The following DIS3L2 variants were observed in gnomAD, a reference collection of about 807,000 sequenced individuals.
DIS3L2 encodes the protein DIS3 like 3'-5' exoribonuclease 2.
A neutral mutation model predicts 97.5 loss-of-function variants in DIS3L2; 34 were observed. The ratio of observed to expected loss-of-function variants is 0.35; its 90% CI spans 0.27 to 0.46. The LOEUF is 0.46. Among genes scored for constraint, DIS3L2 ranks in the 20% least tolerant of loss-of-function variants. The pLI is 1.00. For missense variants in DIS3L2, 1,038 were observed against 1,146.0 expected, an observed-to-expected ratio of 0.91 and a Z score of 1.36; for synonymous variants, 435 against 445.2, an observed-to-expected ratio of 0.98 and a Z score of 0.29.
In DIS3L2 at chr2:232,148,403, T is replaced by C. The variant is rs149017751; in HGVS notation, c.950+11684T>C. ...CCCCAAAGCATGAGCTCTTTCAGCATGCTGATCTGTTAGATTTTTATCTGC... is the reference window on the plus strand; with the variant it reads ...CCCCAAAGCATGAGCTCTTTCAGCACGCTGATCTGTTAGATTTTTATCTGC... On this transcript the variant is annotated intron_variant, in intron 8 of 20. Coordinates refer to ENST00000325385, the MANE Select transcript of DIS3L2 (RefSeq NM_152383.5). 2.0e-5 allele frequency among the ~76,000 whole-genome samples: 3 copies of C among 152,276 alleles called. No individual in the cohort carries two copies. The East Asian group carries it at 5.8e-4, about 29-fold the overall frequency.
rs1294616917 is a variant in DIS3L2 at position 232,087,681 on chromosome 2, T to C, written c.561T>C (p.Val187=). Residue 187 remains valine (V), a synonymous_variant, in exon 6 of 21, where the codon GTT becomes GTC. Transcript: ENST00000325385. ...ATGGCATCACACAAAATGTGCTGGT[T>C]GATGGTGTTAAGAAACTCTCAGTTT... is the stretch of plus-strand genomic sequence containing the variant. ...DGHGITQNVL[V]DGVKKLSVCV... 6.2e-7 allele frequency: 1 copy of C among 1,614,186 alleles called. No homozygotes were observed. The highest frequency in any genetic ancestry group is 8.5e-7 in the Non-Finnish European group (1 of 1,180,024).
chr2:232,335,703 G>A, intron 19 of DIS3L2, 70 bp from the exon 20 acceptor site: 2 of 1,508,648 alleles, frequency 1.3e-6, no homozygotes, highest in Non-Finnish European at 1.8e-6. Flanking sequence ...AAGCATTGAA[G>A]CCCTCCAGGG....
intron 9 of DIS3L2, among the ~76,000 whole-genome samples, chr2:232,191,108 G>A (rs944594999): frequency 1.3e-5 from 2 of 152,152 alleles, no homozygotes; most frequent in Non-Finnish European, 2.9e-5. Flanking sequence ...GAAAAAGTGG[G>A]GATCCTAAAC....
intron 10 of DIS3L2, among the ~76,000 whole-genome samples, chr2:232,237,216 C>G (rs1479783450): frequency 6.6e-6 from 1 of 151,924 alleles, no homozygotes; most frequent in Non-Finnish European, 1.5e-5. Flanking sequence ...ACAGTATGTT[C>G]AAGAATAAAT....
At chr2:232,140,628 A>G (rs573785922) in intron 8 of DIS3L2, among the ~76,000 whole-genome samples, 1 of 152,356 alleles carries the variant, frequency 6.6e-6, no homozygotes, top group South Asian at 2.1e-4. Context: ...ATTGAATAGA[A>G]TGCACACATT....
rs189456597 is a variant in DIS3L2, at chr2:232,247,871, T to G, written c.1318-1368T>G. On this transcript the variant is annotated intron_variant, in intron 11 of 20. Coordinates refer to ENST00000325385, the MANE Select transcript of DIS3L2 (RefSeq NM_152383.5). Reference sequence around the variant, plus strand: ...TAAGTTAGCAAAGAAAATATAGTATTGTCTGAACTGATGGTGCAAAAGTAA... The same window carrying G: ...TAAGTTAGCAAAGAAAATATAGTATGGTCTGAACTGATGGTGCAAAAGTAA... 1.6e-3 allele frequency among the ~76,000 whole-genome samples: 243 copies of G among 152,338 alleles called. 4 individuals carry two copies. Among genetic ancestry groups the G allele is most frequent in the Admixed American group, 0.014 (216 of 15,304 alleles).
intron 14 of DIS3L2, among the ~76,000 whole-genome samples, chr2:232,301,843 T>TC (rs1432705127): frequency 2.0e-5 from 3 of 147,714 alleles, no homozygotes; most frequent in Admixed American, 7.3e-5. Flanking sequence ...CTCTTTTTTT[T>TC]TTTTTTTTTT....
chr2:232,208,804 G>A (rs1382029296), intron 9 of DIS3L2, among the ~76,000 whole-genome samples: 1 of 152,072 alleles, frequency 6.6e-6, no homozygotes, highest in African/African-American at 2.4e-5. Context: ...AAGTTGAGAG[G>A]ATCCCTTGAA....
At chr2:232,101,739 C>G (rs959624973) in intron 6 of DIS3L2, among the ~76,000 whole-genome samples, 2 of 152,250 alleles carry the variant, frequency 1.3e-5, no homozygotes, top group African/African-American at 2.4e-5. Context: ...CTGCTACATA[C>G]TCAGCATTGC....
At chr2:232,017,803 A>G (rs946967108) in intron 3 of DIS3L2, among the ~76,000 whole-genome samples, 1 of 152,078 alleles carries the variant, frequency 6.6e-6, no homozygotes, top group African/African-American at 2.4e-5. Flanking sequence ...AATGTTACCC[A>G]CTTTGAGAAG....
chr2:232,017,135 G>T (rs1237270648), intron 3 of DIS3L2, among the ~76,000 whole-genome samples: 1 of 151,970 alleles, frequency 6.6e-6, no homozygotes, highest in Non-Finnish European at 1.5e-5. Flanking sequence ...TGTTGCCCAG[G>T]CTGGAGTGCA....
rs1340805580 is a variant in DIS3L2 at position 232,334,386 on chromosome 2, G to C, written c.2176G>C (p.Asp726His). 1 of 1,613,586 alleles carries C rather than the reference G, an allele frequency of 6.2e-7. No homozygotes were observed. Among genetic ancestry groups the C allele is most frequent in the Admixed American group, 1.7e-5 (1 of 60,028 alleles). Residue 726 changes from aspartate to histidine, a missense_variant, in exon 18 of 21, where the codon GAC (aspartate) becomes CAC (histidine). By Grantham distance (81) the Asp-to-His change is moderately conservative (BLOSUM62 -1). Around this residue, in one of 3 missense-constraint regions of DIS3L2, gnomAD observed 221 missense variants for 246.9 expected, o/e 0.90. Coordinates refer to ENST00000325385, the MANE Select transcript of DIS3L2 (RefSeq NM_152383.5). ...AAALGYRERL[D>H]MAPDTLQKQA... Reference sequence around the variant, plus strand: ...CTTCCCAGGCTATAGGGAGCGACTAGACATGGCGCCCGATACCCTGCAGAA... The same window carrying C: ...CTTCCCAGGCTATAGGGAGCGACTACACATGGCGCCCGATACCCTGCAGAA...
intron 5 of DIS3L2, among the ~76,000 whole-genome samples, chr2:232,077,830 T>A (rs1574856107): frequency 6.6e-6 from 1 of 152,256 alleles, no homozygotes; most frequent in African/African-American, 2.4e-5. Flanking sequence ...CAGGGCCCCT[T>A]TTTTCACGCT....
At chr2:232,074,141 A>C (rs1444101300) in intron 5 of DIS3L2, among the ~76,000 whole-genome samples, 1 of 152,224 alleles carries the variant, frequency 6.6e-6, no homozygotes, top group Non-Finnish European at 1.5e-5. Context: ...TTTTAGAAAA[A>C]TGAATTTATT....
At chr2:232,331,451 T>G (rs898681061) in intron 16 of DIS3L2, among the ~76,000 whole-genome samples, 3 of 152,208 alleles carry the variant, frequency 2.0e-5, no homozygotes, top group African/African-American at 7.2e-5. Context: ...CTCGGCAGAT[T>G]CAATCTGTTC....
chr2:232,030,974 TA>T (rs1255431882), intron 5 of DIS3L2, among the ~76,000 whole-genome samples: 1 of 152,208 alleles, frequency 6.6e-6, no homozygotes, highest in African/African-American at 2.4e-5. Context: ...GAGTAGTGAC[TA>T]AAAGTATGGG....
At chr2:232,327,521 T>A (rs1187879047) in intron 14 of DIS3L2, among the ~76,000 whole-genome samples, 3 of 152,234 alleles carry the variant, frequency 2.0e-5, no homozygotes, top group African/African-American at 4.8e-5. Flanking sequence ...TCTGAAGTAT[T>A]TCCGTGCTGA....
chr2:232,316,227 G>A (rs922176798), intron 14 of DIS3L2, among the ~76,000 whole-genome samples: 10 of 152,228 alleles, frequency 6.6e-5, no homozygotes, highest in African/African-American at 2.2e-4. Context: ...GTTAATGTTT[G>A]TGCTACCTAG....
intron 15 of DIS3L2, 52 bp downstream of exon 15, chr2:232,330,048 A>C: frequency 6.4e-7 from 1 of 1,552,432 alleles, no homozygotes; most frequent in Non-Finnish European, 8.7e-7. Flanking sequence ...AAAGAAGAGA[A>C]AGACCTGGAA....
Sources: gnomAD v4.1 joint callset for allele counts (sites outside exome capture counted in the v4.1 genomes callset) on GRCh38, gnomAD v4.1.1 for gene constraint, gnomAD v4.1.1 regional missense constraint, MANE v1.5 for transcripts, NCBI Gene and HGNC (gene_info 2026-07-23, HGNC 2026-07-21) for gene names.